The following NDRG3 variants were observed in gnomAD, a reference collection of about 807,000 sequenced individuals.
The protein encoded by NDRG3 is NDRG family member 3, also known as protein NDRG3.
In NDRG3, 23 loss-of-function variants were observed where a neutral mutation model predicts 57.2. That is an observed-to-expected ratio of 0.40 (90% CI 0.29 to 0.57). The LOEUF (loss-of-function observed/expected upper bound fraction) is 0.57, where lower values mean the gene tolerates loss of function less well. NDRG3 is among the 20% of genes least tolerant of loss of function. NDRG3 has a pLI of 0.42. For missense variants in NDRG3, 384 were observed against 457.3 expected, an observed-to-expected ratio of 0.84 and a Z score of 1.46; for synonymous variants, 132 against 162.6, an observed-to-expected ratio of 0.81 and a Z score of 1.43.
intron 1 of NDRG3, among the ~76,000 whole-genome samples, chr20:36,725,615 A>AG (rs1488860254): frequency 6.6e-6 from 1 of 151,612 alleles, no homozygotes; most frequent in Admixed American, 6.6e-5. Context: ...AAAAAAAAAA[A>AG]AAAGAAAAAA....
intron 9 of NDRG3, among the ~76,000 whole-genome samples, chr20:36,670,624 A>G (rs767816122): frequency 2.0e-5 from 3 of 152,166 alleles, no homozygotes; most frequent in African/African-American, 7.2e-5. Context: ...TTGCACATCT[A>G]AAGTATTATA....
chr20:36,695,987 T>G (rs999883455), intron 3 of NDRG3, among the ~76,000 whole-genome samples: 2 of 152,204 alleles, frequency 1.3e-5, no homozygotes, highest in African/African-American at 4.8e-5. Flanking sequence ...AAAATTTATC[T>G]CTTTTGTACT....
chr20:36,721,501 C>A (rs1984590971), intron 2 of NDRG3, among the ~76,000 whole-genome samples, 178 bp downstream of exon 2: 1 of 151,768 alleles, frequency 6.6e-6, no homozygotes, highest in African/African-American at 2.4e-5. Context: ...CGCACTCCAG[C>A]CTGGCAACAG....
Position 36,733,158 on chromosome 20 carries a change from AAAAAAAAAAAAAAATATATATATAT to A in NDRG3, c.-48-11400_-48-11376del, listed in dbSNP as rs1204059616. ...CACGATCCTGTCTCAAAAAAAAAAA[AAAAAAAAAAAAAAATATATATATAT>A]ATATATATATATATATATATGCACA... On this transcript the variant is annotated intron_variant, in intron 1 of 15. Transcript: ENST00000349004. Among the ~76,000 whole-genome samples the A allele has an allele frequency of 3.4e-4, 16 of 46,382 alleles. 1 individual carries two copies. The highest frequency in any genetic ancestry group is 1.3e-3 in the Admixed American group (5 of 3,946). 30.4% of individuals were successfully genotyped at this position (46,382 alleles called of 152,430 possible). A position where few individuals can be genotyped will look rare whatever the true frequency, so the allele number is the denominator to read the frequency against.
chr20:36,669,033 G>A (rs2148051825), intron 9 of NDRG3, among the ~76,000 whole-genome samples: 1 of 151,742 alleles, frequency 6.6e-6, no homozygotes, highest in African/African-American at 2.4e-5. Flanking sequence ...CACAGGCATG[G>A]CTACTAAGCC....
chr20:36,657,655 T>A (rs1018051299), intron 13 of NDRG3, among the ~76,000 whole-genome samples: 4 of 152,108 alleles, frequency 2.6e-5, no homozygotes, highest in Non-Finnish European at 2.9e-5. Context: ...TGGCTTTTTT[T>A]AAAAAGGAAC....
At chr20:36,667,270 T>C (rs1001713356) in intron 9 of NDRG3, among the ~76,000 whole-genome samples, 1 of 152,156 alleles carries the variant, frequency 6.6e-6, no homozygotes, top group African/African-American at 2.4e-5. Context: ...TTTTAATCTT[T>C]TAAATTTTAT....
intron 5 of NDRG3, 48 bp downstream of exon 5, chr20:36,687,444 T>C (rs1338738931): frequency 1.3e-6 from 2 of 1,595,068 alleles, no homozygotes; most frequent in Non-Finnish European, 1.7e-6. Flanking sequence ...GCTCAGCCAG[T>C]TGCTCTACTG....
Position 36,653,632 on chromosome 20 carries a change from C to A in NDRG3, c.1016G>T (p.Gly339Val). 6.2e-7 allele frequency: 1 copy of A among 1,614,160 alleles called. No homozygotes were observed. The highest frequency in any genetic ancestry group is 8.5e-7 in the Non-Finnish European group (1 of 1,180,044). The stretch of plus-strand genomic sequence containing the variant: ...GACAGACCGGCTGAAGGGACTTTCT[C>A]CAGAGCCGAGGCTACTCGAGGTTGA... ...THSTSSSLGS[G>V]ESPFSRSVTS... is the part of the protein sequence containing the mutation. Residue 339 changes from glycine to valine, a missense_variant, in exon 16 of 16, where the codon GGA becomes GTA. Gly to Val is a moderately radical substitution (Grantham distance 109, BLOSUM62 -3). Transcript: ENST00000349004. This position sits in a 1 kb window ranked among gnomAD's most constrained non-coding sequence, Gnocchi z 4.2.
intron 9 of NDRG3, among the ~76,000 whole-genome samples, chr20:36,670,220 C>T (rs770772765): frequency 6.6e-6 from 1 of 152,040 alleles, no homozygotes; most frequent in Non-Finnish European, 1.5e-5. Flanking sequence ...CTATATACAT[C>T]AGTAAATGGT....
chr20:36,715,038 A>G (rs1984182141), intron 2 of NDRG3, among the ~76,000 whole-genome samples: 1 of 116,686 alleles, frequency 8.6e-6, no homozygotes, highest in Non-Finnish European at 1.7e-5. Context: ...ATATATATAT[A>G]TATATATATA....
At chr20:36,733,446 C>G (rs902420651) in intron 1 of NDRG3, among the ~76,000 whole-genome samples, 1 of 151,702 alleles carries the variant, frequency 6.6e-6, no homozygotes, top group African/African-American at 2.4e-5. Context: ...AAGGTATGGC[C>G]GGGCGCGGTG....
chr20:36,680,768 T>C lies in NDRG3; in HGVS notation c.531+48A>G, dbSNP rs139614741. On this transcript the variant is annotated intron_variant, in intron 8 of 15. Transcript: ENST00000349004. ...CTCAATGAAAAACTGGTAAGCTGTT[T>C]TGAGATGGGCCAAGATAAGCCGATG... 45 of 1,503,232 alleles carry C rather than the reference T, an allele frequency of 3.0e-5. No homozygotes were observed. The African/African-American group carries it at 5.1e-4, about 17-fold the overall frequency. The allele number at this position is 1,503,232 out of a possible 1,614,324, so 93.1% of individuals were successfully genotyped here.
chr20:36,738,848 C>A (rs1985752055), intron 1 of NDRG3, among the ~76,000 whole-genome samples: 2 of 128,210 alleles, frequency 1.6e-5, no homozygotes, highest in South Asian at 5.1e-4. Flanking sequence ...AAGGAACCAG[C>A]CAGAGTGGCT....
intron 3 of NDRG3, among the ~76,000 whole-genome samples, chr20:36,693,710 T>C (rs1328995268): frequency 6.6e-6 from 1 of 151,738 alleles, no homozygotes; most frequent in Non-Finnish European, 1.5e-5. Context: ...GGGATCTAGG[T>C]TGTGTGCTCC....
Position 36,682,504 on chromosome 20 carries a change from C to A in NDRG3, c.444+14G>T. 1 of 1,611,092 alleles carries A rather than the reference C, an allele frequency of 6.2e-7. No individual in the cohort carries two copies. Among genetic ancestry groups the A allele is most frequent in the Middle Eastern group, 1.7e-4 (1 of 6,056 alleles). On this transcript the variant is annotated intron_variant, in intron 7 of 15. Coordinates refer to ENST00000349004, the MANE Select transcript of NDRG3 (RefSeq NM_032013.4). Reference sequence around the variant, plus strand: ...TGCCTCAAGGATGTTGAGGCTAATCCTCTACATACTTACTGCAAATCTGCT... The same window carrying A: ...TGCCTCAAGGATGTTGAGGCTAATCATCTACATACTTACTGCAAATCTGCT...
chr20:36,707,638 T>C (rs1372898435), intron 2 of NDRG3, among the ~76,000 whole-genome samples: 1 of 152,026 alleles, frequency 6.6e-6, no homozygotes, highest in Non-Finnish European at 1.5e-5. Context: ...ATTTAAAAAG[T>C]CAAACACAGT....
chr20:36,654,475 G>A (rs576184046), intron 15 of NDRG3, among the ~76,000 whole-genome samples: 4 of 152,172 alleles, frequency 2.6e-5, no homozygotes, highest in African/African-American at 9.7e-5. Flanking sequence ...CTCCTATTTA[G>A]AGCCAAGGCT....
chr20:36,733,171 A>AAAAATAT lies in NDRG3; in HGVS notation c.-48-11389_-48-11388insATATTTT, dbSNP rs1555807709. On this transcript the variant is annotated intron_variant, in intron 1 of 15. Coordinates refer to ENST00000349004, the MANE Select transcript of NDRG3 (RefSeq NM_032013.4). Reference sequence around the variant, plus strand: ...CAAAAAAAAAAAAAAAAAAAAAAAAAATATATATATATATATATATATATA... The same window carrying AAAAATAT: ...CAAAAAAAAAAAAAAAAAAAAAAAAAAAAATATATATATATATATATATATATATATA... Among the ~76,000 whole-genome samples, 57 of 33,114 alleles carry AAAAATAT rather than the reference A, an allele frequency of 1.7e-3. 1 individual carries two copies. Among genetic ancestry groups the AAAAATAT allele is most frequent in the Non-Finnish European group, 2.6e-3 (46 of 17,942 alleles). 21.7% of individuals were successfully genotyped at this position (33,114 alleles called of 152,430 possible). A position where few individuals can be genotyped will look rare whatever the true frequency, so the allele number is the denominator to read the frequency against.
Sources: allele counts gnomAD v4.1 joint callset (sites outside exome capture counted in the v4.1 genomes callset), GRCh38; gene constraint gnomAD v4.1.1; non-coding constraint Gnocchi (gnomAD v3.1); transcripts MANE v1.5; gene names NCBI Gene and HGNC (gene_info 2026-07-23, HGNC 2026-07-21).